INF2: variants seen among roughly 807,000 people sequenced by gnomAD.
The protein encoded by INF2 is inverted formin-2.
INF2 carries 43 observed loss-of-function variants against 123.5 expected under a neutral mutation model. That is an observed-to-expected ratio of 0.35 (90% CI 0.27 to 0.45). INF2 has a LOEUF of 0.45. Ranked by LOEUF, INF2 falls within the 20% of genes least tolerant of loss-of-function variation. The pLI is 1.00. For missense variants in INF2, 1,453 were observed against 1,682.7 expected (o/e 0.86, Z 2.39); for synonymous variants, 851 against 745.0 (o/e 1.14, Z -2.32).
intron 1 of INF2, among the ~76,000 whole-genome samples, chr14:104,697,322 C>G (rs1051797628): frequency 2.6e-5 from 4 of 152,230 alleles, no homozygotes; most frequent in Non-Finnish European, 1.5e-5. Context: ...AGGTCCCTCG[C>G]GTGCTGGGAT....
chr14:104,690,109 AACTTCGGGTCCGCCGCCCGGGTGGC>A (rs1315787141), intron 1 of INF2: 2 of 152,046 alleles, frequency 1.3e-5, no homozygotes, highest in Admixed American at 1.3e-4. Flanking sequence ...AATAAACTTC[AACTTCGGGTCCGCCGCCCGGGTGGC>A]ACCCCGAGGT....
chr14:104,709,238 CTCATGAT>C, intron 10 of INF2, 36 bp from the exon 11 acceptor site: 1 of 1,468,012 alleles, frequency 6.8e-7, no homozygotes, highest in Non-Finnish European at 9.5e-7. Flanking sequence ...GTGGGGGTGA[CTCATGAT>C]TCACTCACCC....
In INF2 at chr14:104,701,502, C is replaced by G; in HGVS notation, c.137C>G (p.Ser46Cys). The G allele has an allele frequency of 6.2e-7, 1 of 1,605,496 alleles. No homozygotes were observed. Among genetic ancestry groups the G allele is most frequent in the Non-Finnish European group, 8.5e-7 (1 of 1,176,590 alleles). Residue 46 changes from serine (S) to cysteine (C), a missense_variant, in exon 2 of 23, where the codon TCT (serine) becomes TGT (cysteine). This residue lies in a region of INF2 where 6 missense variants were observed against 25.1 expected (regional missense o/e 0.24). Transcript: ENST00000392634. ...TGCATCCGGCTGCTCCAGATGCCCT[C>G]TGTGGTCAACTACTCCGGCCTGCGC... ...ELCIRLLQMP[S>C]VVNYSGLRKR... is the part of the protein sequence containing the mutation.
At chr14:104,695,808 G>C (rs949608926) in intron 1 of INF2, among the ~76,000 whole-genome samples, 1 of 151,920 alleles carries the variant, frequency 6.6e-6, no homozygotes, top group Admixed American at 6.5e-5. Flanking sequence ...CTGGCGTTCA[G>C]TGCTGGCCAG....
At chr14:104,689,790 C>T (rs1028019927) in intron 1 of INF2, 51 bp downstream of exon 1, 23 of 954,656 alleles carry the variant, frequency 2.4e-5, no homozygotes, top group Non-Finnish European at 2.9e-5. Flanking sequence ...AAACTGAGTC[C>T]GGGAGGAGGC....
intron 1 of INF2, among the ~76,000 whole-genome samples, chr14:104,698,984 A>G (rs1889338671): frequency 6.6e-6 from 1 of 152,170 alleles, no homozygotes; most frequent in Non-Finnish European, 1.5e-5. Context: ...GTTTCCTCCC[A>G]CCGTGGCTCC....
At position 104,713,478 on chromosome 14, in the gene INF2, G is replaced by A. The variant is rs1890151734; in HGVS notation, c.2912G>A (p.Cys971Tyr). ...GGGCCCGGGAAGCAGGAGGAGGTGT[G>A]TGTCATCGATGCCCTGCTGGCTGAC... is the stretch of plus-strand genomic sequence containing the variant. ...RKGPGKQEEVCVIDALLADIR... is the reference protein window; with the variant it reads ...RKGPGKQEEVYVIDALLADIR... Residue 971 changes from cysteine (C) to tyrosine (Y), a missense_variant, in exon 20 of 23, where the codon TGT becomes TAT. Around this residue, in one of 8 missense-constraint regions of INF2, gnomAD observed 212 missense variants for 266.2 expected, o/e 0.80. Coordinates refer to ENST00000392634, the MANE Select transcript of INF2 (RefSeq NM_022489.4). 6.2e-7 allele frequency: 1 copy of A among 1,611,570 alleles called. No homozygotes were observed. The highest frequency in any genetic ancestry group is 8.5e-7 in the Non-Finnish European group (1 of 1,179,454).
At chr14:104,701,005 G>C (rs761114100) in intron 1 of INF2, 10 of 379,502 alleles carry the variant, frequency 2.6e-5, no homozygotes, top group African/African-American at 8.8e-5. Flanking sequence ...GCTCCCCCGA[G>C]TCCTCCCCAA....
At chr14:104,694,251 G>A (rs904308116) in intron 1 of INF2, among the ~76,000 whole-genome samples, 2 of 152,250 alleles carry the variant, frequency 1.3e-5, no homozygotes, top group Non-Finnish European at 1.5e-5. Flanking sequence ...TTTTACAGAT[G>A]AGAAAACTGA....
chr14:104,700,964 G>C (rs975925417), intron 1 of INF2: 2 of 668,416 alleles, frequency 3.0e-6, no homozygotes, highest in African/African-American at 2.0e-5. Flanking sequence ...CATCATTACC[G>C]TGGGTAATGT....
intron 16 of INF2, among the ~76,000 whole-genome samples, chr14:104,712,222 G>C (rs754734788): frequency 1.3e-5 from 2 of 152,176 alleles, no homozygotes; most frequent in Non-Finnish European, 2.9e-5. Flanking sequence ...AAGCAGGACA[G>C]GCTGACCGTT....
chr14:104,711,806 G>A (rs530763169), intron 16 of INF2, 107 bp downstream of exon 16: 83 of 1,033,206 alleles, frequency 8.0e-5, no homozygotes, highest in Non-Finnish European at 9.7e-5. Context: ...CAGCTGCAGC[G>A]CAGCCCCGGC....
In INF2 at chr14:104,708,129, G is replaced by A. The variant is rs1889873121; in HGVS notation, c.1735+127G>A. 6.9e-6 allele frequency: 10 copies of A among 1,459,818 alleles called. No homozygotes were observed. In the East Asian group the frequency reaches 2.4e-4, roughly 36 times the overall value. The allele number at this position is 1,459,818 out of a possible 1,614,324, so 90.4% of individuals were successfully genotyped here. ...GCCCGTGCGTGGCCAGGGCAGCCTG[G>A]CCCTTGCTCTGGGCTCGGCGCCTGT... On this transcript the variant is annotated intron_variant, in intron 8 of 22. Transcript: ENST00000392634.
intron 1 of INF2, among the ~76,000 whole-genome samples, chr14:104,694,617 T>A (rs1424551244): frequency 2.6e-5 from 4 of 151,998 alleles, no homozygotes. Context: ...AACCAGGAGA[T>A]CCTATGGGTC....
At chr14:104,709,488 G>C in intron 11 of INF2, 105 bp downstream of exon 11, 1 of 1,268,786 alleles carries the variant, frequency 7.9e-7, no homozygotes, top group Non-Finnish European at 1.2e-6. Context: ...AGGCATCCCA[G>C]CCCTACCTCT....
At position 104,718,802 on chromosome 14, in the gene INF2, G is replaced by T. The variant is rs1890440028; in HGVS notation, c.*9G>T. The T allele has an allele frequency of 6.2e-7, 1 of 1,613,030 alleles. No homozygotes were observed. Among genetic ancestry groups the T allele is most frequent in the Non-Finnish European group, 8.5e-7 (1 of 1,179,736 alleles). ...TTTTTCTCTCTCTTACAGGCCTCAG[G>T]CCCAGGCCCAAGGCCAAGTGAGAGA... On this transcript the variant is annotated 3_prime_UTR_variant, in exon 23 of 23. Transcript: ENST00000392634.
rs200833559 is a variant in INF2 at position 104,682,950 on chromosome 14, C to G, written c.-104+1368C>G. On this transcript the variant is annotated intron_variant, in intron 1 of 2. Coordinates refer to the INF2 transcript ENST00000674723. ...GGGGCCTCCGCAATGTTGGGTGTGC[C>G]TGGGATAGCTCAGAGTAACACGGCT... Among the ~76,000 whole-genome samples, 5 of 152,202 alleles carry G rather than the reference C, an allele frequency of 3.3e-5. No homozygotes were observed. The East Asian group carries it at 9.7e-4, about 29-fold the overall frequency.
At chr14:104,698,479 T>C (rs887952504) in intron 1 of INF2, among the ~76,000 whole-genome samples, 13 of 152,214 alleles carry the variant, frequency 8.5e-5, no homozygotes, top group Non-Finnish European at 1.9e-4. Context: ...ATTCACTCTA[T>C]ACATAGAAAG....
chr14:104,708,104 G>A (rs1417619273), intron 8 of INF2, 102 bp downstream of exon 8: 1 of 1,546,946 alleles, frequency 6.5e-7, no homozygotes, highest in Non-Finnish European at 8.7e-7. Flanking sequence ...TGCGCGTCCT[G>A]CCCGTGCGTG....
Sources: allele counts gnomAD v4.1 joint callset (sites outside exome capture counted in the v4.1 genomes callset), GRCh38; gene constraint gnomAD v4.1.1; regional missense constraint gnomAD v4.1.1; transcripts MANE v1.5; gene names NCBI Gene and HGNC (gene_info 2026-07-23, HGNC 2026-07-21).